Variants in ABHD12B observed in about 807,000 individuals in gnomAD.
The protein encoded by ABHD12B is protein ABHD12B.
A neutral mutation model predicts 50.4 loss-of-function variants in ABHD12B; 42 were observed. The observed-to-expected ratio is 0.83, with a 90% CI of 0.65 to 1.08. The LOEUF (loss-of-function observed/expected upper bound fraction) is 1.08, where lower values mean the gene tolerates loss of function less well. ABHD12B is among the 50% of genes least tolerant of loss of function. The pLI is 0.00. For missense variants in ABHD12B, 479 were observed against 447.7 expected (o/e 1.07, Z -0.63); for synonymous variants, 167 against 160.3 (o/e 1.04, Z -0.32).
intron 4 of ABHD12B, 113 bp from the exon 5 acceptor site, chr14:50,881,483 A>C: frequency 8.8e-7 from 1 of 1,141,310 alleles, no homozygotes; most frequent in Non-Finnish European, 1.2e-6. Flanking sequence ...CTCCAACCTG[A>C]AAGAGAAAGG....
chr14:50,877,099 G>A (rs2049873989), intron 1 of ABHD12B, among the ~76,000 whole-genome samples: 1 of 152,104 alleles, frequency 6.6e-6, no homozygotes, highest in Non-Finnish European at 1.5e-5. Flanking sequence ...AATAGCGTAG[G>A]CAAGATGTGC....
chr14:50,903,284 T>C (rs967475076), intron 10 of ABHD12B, 105 bp from the exon 11 acceptor site: 11 of 793,900 alleles, frequency 1.4e-5, no homozygotes, highest in Non-Finnish European at 2.2e-5. Context: ...AGAAATTTCT[T>C]GTAATTTAGA....
intron 9 of ABHD12B, among the ~76,000 whole-genome samples, chr14:50,901,278 A>G (rs1286516226): frequency 6.6e-6 from 1 of 152,232 alleles, no homozygotes. Context: ...TTTGCTATTA[A>G]ACAACAAATT....
intron 3 of ABHD12B, 83 bp downstream of exon 3, chr14:50,878,930 GC>G: frequency 8.8e-7 from 1 of 1,136,062 alleles, no homozygotes; most frequent in Non-Finnish European, 1.3e-6. Flanking sequence ...TGTGTTACCT[GC>G]CCACGGAGAG....
intron 5 of ABHD12B, 65 bp downstream of exon 5, chr14:50,881,691 C>A: frequency 6.3e-7 from 1 of 1,593,856 alleles, no homozygotes; most frequent in Non-Finnish European, 8.6e-7. Flanking sequence ...TAAGATTTTC[C>A]TCAGGCCCTC....
chr14:50,881,933 T>TAAGGTGCAAAATGGTCACTCC (rs2049956804), intron 5 of ABHD12B, among the ~76,000 whole-genome samples: 1 of 142,014 alleles, frequency 7.0e-6, no homozygotes, highest in Admixed American at 7.2e-5. Flanking sequence ...AGAGGTTTTT[T>TAAGGTGCAAAATGGTCACTCC]TTGTTGTCGT....
intron 9 of ABHD12B, among the ~76,000 whole-genome samples, chr14:50,899,506 G>T (rs1323353248): frequency 6.6e-6 from 1 of 152,180 alleles, no homozygotes; most frequent in East Asian, 1.9e-4. Context: ...TGAAGCAGAA[G>T]TTTGTATTTA....
At chr14:50,879,251 A>C (rs567471070) in intron 3 of ABHD12B, among the ~76,000 whole-genome samples, 3 of 152,190 alleles carry the variant, frequency 2.0e-5, no homozygotes, top group Non-Finnish European at 4.4e-5. Context: ...GGTAATTTTC[A>C]GAAAAGCCTT....
At chr14:50,902,871 C>G (rs763034216) in intron 10 of ABHD12B, among the ~76,000 whole-genome samples, 11 of 152,232 alleles carry the variant, frequency 7.2e-5, no homozygotes, top group Admixed American at 2.0e-4. Flanking sequence ...GGGGGTTGAC[C>G]AGGAAGCTAA....
At chr14:50,885,036 T>C (rs540384128) in intron 5 of ABHD12B, among the ~76,000 whole-genome samples, 1 of 152,332 alleles carries the variant, frequency 6.6e-6, no homozygotes, top group South Asian at 2.1e-4. Context: ...AAGGCGACTA[T>C]TATTGTTTCT....
rs780266483 is a variant in ABHD12B at position 50,885,643 on chromosome 14, G to C, written c.516G>C (p.Leu172Phe). Residue 172 changes from leucine to phenylalanine, a missense_variant, in exon 6 of 13, where the codon TTG becomes TTC. Leu to Phe is a conservative substitution (Grantham distance 22). Coordinates refer to ENST00000337334, the MANE Select transcript of ABHD12B (RefSeq NM_001206673.2). Reference sequence around the variant, plus strand: ...TGAGTGATGGTGGCTTTCATGTCTTGTCTGTTGACTACAGAGGTATGTGTT... The same window carrying C: ...TGAGTGATGGTGGCTTTCATGTCTTCTCTGTTGACTACAGAGGTATGTGTT... ...KVLSDGGFHV[L>F]SVDYRGFGDS... is the part of the protein sequence containing the mutation. 5.6e-6 allele frequency: 9 copies of C among 1,614,148 alleles called. No individual in the cohort carries two copies. Among genetic ancestry groups the C allele is most frequent in the Non-Finnish European group, 7.6e-6 (9 of 1,180,030 alleles).
At chr14:50,873,296 C>T (rs929950953) in intron 1 of ABHD12B, among the ~76,000 whole-genome samples, 3 of 151,920 alleles carry the variant, frequency 2.0e-5, no homozygotes, top group Non-Finnish European at 2.9e-5. Context: ...AATCTTGGCT[C>T]ATTCCCAGGG....
At chr14:50,886,791 C>A in intron 8 of ABHD12B, 107 bp downstream of exon 8, 1 of 984,040 alleles carries the variant, frequency 1.0e-6, no homozygotes, top group Non-Finnish European at 1.5e-6. Flanking sequence ...CCAAAAGCAT[C>A]CCAACTTTAG....
chr14:50,873,093 T>C (rs553180852), intron 1 of ABHD12B, among the ~76,000 whole-genome samples: 9 of 152,356 alleles, frequency 5.9e-5, no homozygotes, highest in African/African-American at 2.2e-4. Flanking sequence ...TACTTCCCTC[T>C]TTCTATTCCT....
chr14:50,884,702 C>CTTTTT (rs35439744), intron 5 of ABHD12B, among the ~76,000 whole-genome samples: 3 of 126,594 alleles, frequency 2.4e-5, no homozygotes, highest in African/African-American at 8.9e-5. Context: ...TGTATTTCTT[C>CTTTTT]TTTTTTTTTT....
chr14:50,881,047 C>G (rs2049936170), intron 4 of ABHD12B, among the ~76,000 whole-genome samples: 1 of 152,178 alleles, frequency 6.6e-6, no homozygotes. Context: ...ACCACAGGTA[C>G]TGGGGACCGT....
chr14:50,891,194 T>C (rs2050111589), intron 9 of ABHD12B: 2 of 152,174 alleles, frequency 1.3e-5, no homozygotes, highest in Non-Finnish European at 2.9e-5. Flanking sequence ...ATATATTGTA[T>C]TATTTTGTTT....
At chr14:50,898,925 GC>G (rs1341666954) in intron 9 of ABHD12B, among the ~76,000 whole-genome samples, 1 of 152,240 alleles carries the variant, frequency 6.6e-6, no homozygotes, top group Non-Finnish European at 1.5e-5. Context: ...GGGCACGGTG[GC>G]TGGCGCCTGT....
At chr14:50,884,109 A>T (rs1031719676) in intron 5 of ABHD12B, among the ~76,000 whole-genome samples, 13 of 152,236 alleles carry the variant, frequency 8.5e-5, no homozygotes, top group Non-Finnish European at 1.9e-4. Flanking sequence ...TAACTGTTAC[A>T]CTGCTATTGG....
Sources: gnomAD v4.1 joint callset for allele counts (sites outside exome capture counted in the v4.1 genomes callset) on GRCh38, gnomAD v4.1.1 for gene constraint, MANE v1.5 for transcripts, NCBI Gene and HGNC (gene_info 2026-07-23, HGNC 2026-07-21) for gene names.